Variants in ADAMTS13 observed in about 807,000 individuals in gnomAD.
ADAMTS13 encodes A disintegrin and metalloproteinase with thrombospondin motifs 13.
In ADAMTS13, 110 loss-of-function variants were observed where a neutral mutation model predicts 155.1. That is an observed-to-expected ratio of 0.71 (90% CI 0.61 to 0.83). The LOEUF (loss-of-function observed/expected upper bound fraction) is 0.83. Ranked by LOEUF, ADAMTS13 falls within the 40% of genes least tolerant of loss-of-function variation. The pLI is 0.00. For missense variants in ADAMTS13, 1,707 were observed against 1,891.7 expected (o/e 0.90, Z 1.81); for synonymous variants, 758 against 756.4 (o/e 1.00, Z -0.03).
Position 133,423,155 on chromosome 9 carries a change from G to T in ADAMTS13, c.160G>T (p.Ala54Ser). ...QAVSSYLSPG[A>S]PLKGRPPSPG... ...CGTGTCTTCTTACTTGAGCCCTGGTGCTCCCTTAAAAGGTACTTGTCCTGG... is the reference window on the plus strand; with the variant it reads ...CGTGTCTTCTTACTTGAGCCCTGGTTCTCCCTTAAAAGGTACTTGTCCTGG... Residue 54 changes from alanine to serine, a missense_variant, in exon 2 of 29, where the codon GCT (alanine) becomes TCT (serine). By Grantham distance (99) the Ala-to-Ser change is moderately conservative (BLOSUM62 1). Around this residue, in one of 3 missense-constraint regions of ADAMTS13, gnomAD observed 733 missense variants for 749.6 expected, o/e 0.98. Coordinates refer to ENST00000355699, the MANE Select transcript of ADAMTS13 (RefSeq NM_139027.6). 1 of 1,613,858 alleles carries T rather than the reference G, an allele frequency of 6.2e-7. No individual in the cohort carries two copies. Among genetic ancestry groups the T allele is most frequent in the Non-Finnish European group, 8.5e-7 (1 of 1,179,958 alleles).
In ADAMTS13 at chr9:133,437,810, A is replaced by G. The variant is rs782607445; in HGVS notation, c.1497A>G (p.Gly499=). The stretch of plus-strand genomic sequence containing the variant: ...GCGAGAGCTTCATCATGAAGCGTGG[A>G]GACAGCTTCCTCGATGGGACCCGGT... The part of the protein sequence containing the change: ...AIGESFIMKR[G]DSFLDGTRCM... Residue 499 remains glycine, a synonymous_variant, in exon 13 of 29, where the codon GGA becomes GGG. Coordinates refer to ENST00000355699, the MANE Select transcript of ADAMTS13 (RefSeq NM_139027.6). 1 of 1,613,974 alleles carries G rather than the reference A, an allele frequency of 6.2e-7. No individual in the cohort carries two copies. The highest frequency in any genetic ancestry group is 1.1e-5 in the South Asian group (1 of 91,080).
chr9:133,442,790 C>T (rs782573517), intron 18 of ADAMTS13, 47 bp downstream of exon 18: 27 of 1,583,344 alleles, frequency 1.7e-5, no homozygotes, highest in East Asian at 9.1e-5. Context: ...GAGAGGGTTC[C>T]GCTGGGGCTG....
At chr9:133,419,463 G>C (rs782155322), upstream of ADAMTS13, among the ~76,000 whole-genome samples, 4 of 152,180 alleles carry the variant, frequency 2.6e-5, no homozygotes, top group Non-Finnish European at 4.4e-5. Flanking sequence ...CATGAACCTG[G>C]GTTAGTTCAT....
chr9:133,427,472 C>T (rs1840359439), intron 6 of ADAMTS13, among the ~76,000 whole-genome samples: 1 of 152,240 alleles, frequency 6.6e-6, no homozygotes, highest in Admixed American at 6.5e-5. Context: ...CTTTCAACCC[C>T]TCTGAGCCTG....
At chr9:133,421,499 A>G (rs1839954734), upstream of ADAMTS13, among the ~76,000 whole-genome samples, 1 of 152,116 alleles carries the variant, frequency 6.6e-6, no homozygotes, top group South Asian at 2.1e-4. Context: ...CTGTCTAGCA[A>G]CTTTGCTGTC....
In ADAMTS13 at chr9:133,424,176, G is replaced by T. The variant is rs1156385559; in HGVS notation, c.173-145G>T. The T allele has an allele frequency of 2.3e-6, 3 of 1,303,902 alleles. No individual in the cohort carries two copies. Among genetic ancestry groups the T allele is most frequent in the Non-Finnish European group, 3.3e-6 (3 of 918,258 alleles). 80.8% of individuals were successfully genotyped at this position (1,303,902 alleles called of 1,614,324 possible). A position where few individuals can be genotyped will look rare whatever the true frequency, so the allele number is the denominator to read the frequency against. ...CCCTTTGCGTGCCTAGTCACTAATG[G>T]GGTCTGGCTCTTGGGGTGGGGGTGA... On this transcript the variant is annotated intron_variant, in intron 2 of 28. Coordinates refer to ENST00000355699, the MANE Select transcript of ADAMTS13 (RefSeq NM_139027.6). This position sits in a 1 kb window ranked among gnomAD's most constrained non-coding sequence, Gnocchi z 4.3.
upstream of ADAMTS13, among the ~76,000 whole-genome samples, chr9:133,419,785 CTGG>C (rs1554782616): frequency 2.0e-5 from 3 of 152,126 alleles, no homozygotes; most frequent in East Asian, 5.8e-4. Flanking sequence ...GCTGCCCAGG[CTGG>C]AGTGCAGTGG....
At chr9:133,455,757 C>T in intron 25 of ADAMTS13, 1 of 1,062,678 alleles carries the variant, frequency 9.4e-7, no homozygotes, top group Admixed American at 2.0e-5. Flanking sequence ...CCTGGCAAAG[C>T]AAAACCTCCC....
At position 133,454,582 on chromosome 9, in the gene ADAMTS13, A is replaced by C. The variant is rs782783025; in HGVS notation, c.3212A>C (p.Asp1071Ala). 6.2e-7 allele frequency: 1 copy of C among 1,605,934 alleles called. No homozygotes were observed. Among genetic ancestry groups the C allele is most frequent in the East Asian group, 2.2e-5 (1 of 44,882 alleles). Residue 1071 changes from aspartate to alanine, a missense_variant, in exon 24 of 29, where the codon GAC (aspartate) becomes GCC (alanine). Around this residue, in one of 3 missense-constraint regions of ADAMTS13, gnomAD observed 961 missense variants for 1,107.9 expected, o/e 0.87. Coordinates refer to ENST00000355699, the MANE Select transcript of ADAMTS13 (RefSeq NM_139027.6). ...PEASVPCLIA[D>A]CTYRWHVGTW... ...GCCAGTGTCCCCTGTCTCATTGCCGACTGCACCTACCGCTGGCATGTTGGC... is the reference window on the plus strand; with the variant it reads ...GCCAGTGTCCCCTGTCTCATTGCCGCCTGCACCTACCGCTGGCATGTTGGC...
chr9:133,419,318 G>T (rs137998627), upstream of ADAMTS13, among the ~76,000 whole-genome samples: 12 of 152,278 alleles, frequency 7.9e-5, 1 homozygote, highest in African/African-American at 2.9e-4. Context: ...TTTCACACTT[G>T]CTGAGTTTGA....
upstream of ADAMTS13, among the ~76,000 whole-genome samples, chr9:133,419,412 G>T (rs1384483902): frequency 6.6e-6 from 1 of 152,178 alleles, no homozygotes; most frequent in Non-Finnish European, 1.5e-5. Context: ...CAGTGCTGGA[G>T]ATGTAATTTG....
chr9:133,417,746 C>G, upstream of ADAMTS13: 1 of 1,613,854 alleles, frequency 6.2e-7, no homozygotes, highest in Non-Finnish European at 8.5e-7. Flanking sequence ...ACCTTTTTTT[C>G]TTCTTGTTTT....
chr9:133,454,727 A>C, intron 24 of ADAMTS13, 108 bp downstream of exon 24: 1 of 1,364,246 alleles, frequency 7.3e-7, no homozygotes, highest in Non-Finnish European at 1.0e-6. Context: ...TGTCCCCTGA[A>C]AGGAAGGAGA....
At chr9:133,447,947 C>G (rs1842178533) in intron 21 of ADAMTS13, among the ~76,000 whole-genome samples, 1 of 151,276 alleles carries the variant, frequency 6.6e-6, no homozygotes, top group Non-Finnish European at 1.5e-5. Flanking sequence ...CTAATAACAT[C>G]TTTATGATAG....
Position 133,441,966 on chromosome 9 carries a change from T to C in ADAMTS13, c.1969-433T>C, listed in dbSNP as rs937528667. Among the ~76,000 whole-genome samples the C allele has an allele frequency of 6.6e-6, 1 of 152,078 alleles. No individual in the cohort carries two copies. The highest frequency in any genetic ancestry group is 2.4e-5 in the African/African-American group (1 of 41,398). ...TTCTCTGTGCTGCCCAAATACCCTA[T>C]CATGTAACCCACCAATGACTTGGTA... On this transcript the variant is annotated intron_variant, in intron 16 of 28. Coordinates refer to ENST00000355699, the MANE Select transcript of ADAMTS13 (RefSeq NM_139027.6). The surrounding 1 kb of genome is among the most constrained non-coding windows in gnomAD (Gnocchi z 5.0).
Position 133,445,179 on chromosome 9 carries a change from G to A in ADAMTS13, c.2610+127G>A. ...AACACCATCCTTCTGTGGGAATGCT[G>A]TCTGAGGGCCACCCCTGCTCAGAAA... On this transcript the variant is annotated intron_variant, in intron 20 of 28. Transcript: ENST00000355699. The surrounding 1 kb of genome is among the most constrained non-coding windows in gnomAD (Gnocchi z 5.0). The A allele has an allele frequency of 9.0e-7, 1 of 1,108,500 alleles. No individual in the cohort carries two copies. The highest frequency in any genetic ancestry group is 1.5e-5 in the African/African-American group (1 of 64,824). 68.7% of individuals were successfully genotyped at this position (1,108,500 alleles called of 1,614,324 possible).
chr9:133,433,816 C>A, intron 11 of ADAMTS13, 112 bp downstream of exon 11: 1 of 1,323,454 alleles, frequency 7.6e-7, no homozygotes, highest in Non-Finnish European at 1.1e-6. Flanking sequence ...GACATTGGGG[C>A]CAGGTGAGGT....
Position 133,456,893 on chromosome 9 carries a change from G to A in ADAMTS13, c.3724+174G>A. 2 of 821,766 alleles carry A rather than the reference G, an allele frequency of 2.4e-6. No homozygotes were observed. Among genetic ancestry groups the A allele is most frequent in the South Asian group, 1.4e-5 (1 of 69,146 alleles). The allele number at this position is 821,766 out of a possible 1,614,324, so 50.9% of individuals were successfully genotyped here. A position where few individuals can be genotyped will look rare whatever the true frequency, so the allele number is the denominator to read the frequency against. ...GTGTCAGTCTGCACGTGCCAGGGAG[G>A]GGTCACAGGATGAATGCTATATCCC... is the stretch of plus-strand genomic sequence containing the variant. On this transcript the variant is annotated intron_variant, in intron 27 of 28. Transcript: ENST00000355699. The surrounding 1 kb of genome is among the most constrained non-coding windows in gnomAD (Gnocchi z 4.4).
At chr9:133,432,748 C>T (rs1840863652) in intron 9 of ADAMTS13, 56 bp downstream of exon 9, 3 of 1,500,340 alleles carry the variant, frequency 2.0e-6, no homozygotes, top group South Asian at 1.2e-5. Context: ...GTGGGTGCCT[C>T]CAGCCAGGCC....
Sources: gnomAD v4.1 joint callset for allele counts (sites outside exome capture counted in the v4.1 genomes callset) on GRCh38, gnomAD v4.1.1 for gene constraint, gnomAD v4.1.1 regional missense constraint, Gnocchi (gnomAD v3.1) non-coding constraint, MANE v1.5 for transcripts, NCBI Gene and HGNC (gene_info 2026-07-23, HGNC 2026-07-21) for gene names.